Variants in RORA observed in about 807,000 individuals in gnomAD.
RORA encodes nuclear receptor ROR-alpha.
In RORA, 7 loss-of-function variants were observed where a neutral mutation model predicts 69.5. That is an observed-to-expected ratio of 0.10 (90% CI 0.06 to 0.19). RORA has a LOEUF of 0.19. Among genes scored for constraint, RORA ranks in the 10% least tolerant of loss-of-function variants. The pLI, the probability that RORA is intolerant of heterozygous loss-of-function variation, is 1.00. For synonymous variants in RORA, 261 were observed against 240.8 expected, an observed-to-expected ratio of 1.08 and a Z score of -0.78; for missense variants, 457 against 663.0, an observed-to-expected ratio of 0.69 and a Z score of 3.41.
chr15:60,681,811 TC>T (rs1173205122), intron 1 of RORA: 1 of 152,130 alleles, frequency 6.6e-6, no homozygotes, highest in Non-Finnish European at 1.5e-5. Flanking sequence ...GTGTTTTTCC[TC>T]AAGTGGAAGG....
intron 1 of RORA, among the ~76,000 whole-genome samples, chr15:60,994,765 C>T (rs529723356): frequency 1.4e-4 from 21 of 152,338 alleles, no homozygotes; most frequent in African/African-American, 5.1e-4. Context: ...ACTCAACATA[C>T]GTCTTCTTTC....
chr15:60,706,253 T>A, intron 1 of RORA: 1 of 152,204 alleles, frequency 6.6e-6, no homozygotes, highest in Non-Finnish European at 1.5e-5. Flanking sequence ...CCTGGTGGCT[T>A]CTTCAGAAGG....
intron 1 of RORA, among the ~76,000 whole-genome samples, chr15:61,209,259 G>A (rs2079968496): frequency 1.1e-5 from 1 of 87,922 alleles, no homozygotes. Flanking sequence ...GGAACTTGTT[G>A]TTGAATTACA....
At chr15:61,196,609 A>G (rs1008809422) in intron 1 of RORA, among the ~76,000 whole-genome samples, 3 of 152,268 alleles carry the variant, frequency 2.0e-5, no homozygotes, top group Admixed American at 2.0e-4. Flanking sequence ...CAGTAGCACT[A>G]CGACTCAGTT....
At chr15:60,885,255 T>C (rs1176443826) in intron 1 of RORA, among the ~76,000 whole-genome samples, 1 of 152,184 alleles carries the variant, frequency 6.6e-6, no homozygotes, top group African/African-American at 2.4e-5. Flanking sequence ...GCCCTGATCT[T>C]CCACATGAGA....
At chr15:61,013,779 C>CTTTTTTTTTTT (rs3053960) in intron 1 of RORA, among the ~76,000 whole-genome samples, 1 of 70,934 alleles carries the variant, frequency 1.4e-5, no homozygotes, top group Non-Finnish European at 2.5e-5. Context: ...ACTGGGTTGG[C>CTTTTTTTTTTT]TTTTTTTTTT....
At chr15:60,748,794 A>G (rs17303153) in intron 1 of RORA, among the ~76,000 whole-genome samples, 43,530 of 152,104 alleles carry the variant, frequency 0.29, 7,163 homozygotes, top group East Asian at 0.45. Context: ...GGTATGTTTC[A>G]GCAACACCTC....
At chr15:61,055,029 G>T (rs575477714) in intron 1 of RORA, among the ~76,000 whole-genome samples, 1 of 152,120 alleles carries the variant, frequency 6.6e-6, no homozygotes, top group East Asian at 1.9e-4. Flanking sequence ...TAGAGACAGG[G>T]TTTCACTATG....
At chr15:60,507,253 T>G (rs772590028) in intron 5 of RORA, among the ~76,000 whole-genome samples, 5 of 152,202 alleles carry the variant, frequency 3.3e-5, no homozygotes, top group African/African-American at 4.8e-5. Flanking sequence ...GTTTTGAGTA[T>G]AGAATAGGCA....
At chr15:60,897,811 A>G (rs1202743330) in intron 1 of RORA, among the ~76,000 whole-genome samples, 1 of 152,262 alleles carries the variant, frequency 6.6e-6, no homozygotes, top group Non-Finnish European at 1.5e-5. Flanking sequence ...CTCAGCCATG[A>G]TCAGTCTATT....
intron 1 of RORA, among the ~76,000 whole-genome samples, chr15:61,140,996 G>C (rs1041663099): frequency 6.6e-6 from 1 of 152,064 alleles, no homozygotes; most frequent in Non-Finnish European, 1.5e-5. Context: ...CCTCCTTTCA[G>C]AACCCTAAAT....
intron 1 of RORA, among the ~76,000 whole-genome samples, chr15:60,999,446 A>G (rs1375180338): frequency 6.6e-6 from 1 of 152,110 alleles, no homozygotes; most frequent in African/African-American, 2.4e-5. Flanking sequence ...ATATTCATGG[A>G]TGTTAGCTTA....
At chr15:60,767,474 T>G (rs937213386) in intron 1 of RORA, among the ~76,000 whole-genome samples, 4 of 152,218 alleles carry the variant, frequency 2.6e-5, no homozygotes, top group African/African-American at 9.6e-5. Context: ...TTGCCCTATT[T>G]CACACAGCTG....
At chr15:60,627,217 C>A (rs749065499) in intron 2 of RORA, 1 of 1,609,408 alleles carries the variant, frequency 6.2e-7, no homozygotes, top group African/African-American at 1.3e-5. Flanking sequence ...GAGCAAAGAA[C>A]TTGCTCTCAG....
At chr15:60,822,108 T>C (rs1368188102) in intron 1 of RORA, among the ~76,000 whole-genome samples, 1 of 152,072 alleles carries the variant, frequency 6.6e-6, no homozygotes, top group Admixed American at 6.6e-5. Flanking sequence ...TGAAACAAGG[T>C]TTGGTGGTAA....
intron 1 of RORA, among the ~76,000 whole-genome samples, chr15:61,113,229 G>A (rs551430086): frequency 1.5e-4 from 23 of 152,372 alleles, no homozygotes; most frequent in East Asian, 7.7e-4. Context: ...AGTTAGTACA[G>A]AAATGCTGCA....
intron 2 of RORA, among the ~76,000 whole-genome samples, chr15:60,657,140 T>C (rs1031833672): frequency 2.0e-5 from 3 of 152,252 alleles, no homozygotes; most frequent in African/African-American, 7.2e-5. Flanking sequence ...GTAAAAGGCC[T>C]TGTCTTCAGA....
intron 1 of RORA, among the ~76,000 whole-genome samples, chr15:60,819,917 T>TCCTGCCTGCTTC (rs940497229): frequency 4.6e-5 from 7 of 152,276 alleles, no homozygotes; most frequent in African/African-American, 1.7e-4. Context: ...TCTGAACCGA[T>TCCTGCCTGCTTC]CCTGCCTGCT....
chr15:60,712,962 C>A (rs537035709), intron 1 of RORA, among the ~76,000 whole-genome samples: 36 of 152,054 alleles, frequency 2.4e-4, no homozygotes, highest in African/African-American at 8.7e-4. Flanking sequence ...TTCAACAGAG[C>A]GAATACTTTG....
Sources: gnomAD v4.1 joint callset for allele counts (sites outside exome capture counted in the v4.1 genomes callset) on GRCh38, gnomAD v4.1.1 for gene constraint, MANE v1.5 for transcripts, NCBI Gene and HGNC (gene_info 2026-07-23, HGNC 2026-07-21) for gene names.